The following ZBTB7C variants were observed in gnomAD, a reference collection of about 807,000 sequenced individuals.
The protein encoded by ZBTB7C is zinc finger and BTB domain containing 7C.
Under a neutral mutation model 25.7 loss-of-function variants are expected in ZBTB7C, and 8 were observed. That is an observed-to-expected ratio of 0.31 (90% CI 0.18 to 0.56). The LOEUF is 0.56. ZBTB7C is among the 20% of genes least tolerant of loss of function. ZBTB7C has a pLI of 0.91. For missense variants in ZBTB7C, 824 were observed against 855.2 expected (o/e 0.96, Z 0.46); for synonymous variants, 394 against 369.0 (o/e 1.07, Z -0.78).
intron 3 of ZBTB7C, chr18:48,087,633 A>G (rs947602860): frequency 6.6e-6 from 1 of 151,794 alleles, no homozygotes; most frequent in Non-Finnish European, 1.5e-5. Context: ...AAAAAATTAA[A>G]AAGAAAAAAA....
intron 1 of ZBTB7C, among the ~76,000 whole-genome samples, chr18:48,358,589 C>T (rs556933153): frequency 9.2e-5 from 14 of 152,254 alleles, no homozygotes; most frequent in African/African-American, 2.9e-4. Context: ...AACGCAAAAA[C>T]GGCCTAACAC....
intron 1 of ZBTB7C, among the ~76,000 whole-genome samples, chr18:48,398,384 G>A (rs1267423765): frequency 6.6e-6 from 1 of 152,192 alleles, no homozygotes; most frequent in Non-Finnish European, 1.5e-5. Flanking sequence ...CTGCCCTTTG[G>A]AGGACCCTGC....
intron 3 of ZBTB7C, among the ~76,000 whole-genome samples, chr18:48,183,808 C>A (rs960988713): frequency 7.2e-5 from 11 of 152,172 alleles, no homozygotes; most frequent in African/African-American, 2.4e-4. Context: ...AATAAGGGGA[C>A]ACACAAGCCC....
chr18:48,284,090 T>G (rs978636925), intron 2 of ZBTB7C, among the ~76,000 whole-genome samples: 2 of 151,808 alleles, frequency 1.3e-5, no homozygotes, highest in Admixed American at 1.3e-4. Flanking sequence ...GAGGTTGCAA[T>G]GAGCCGAGAT....
At chr18:48,098,707 G>A (rs1219549512) in intron 3 of ZBTB7C, among the ~76,000 whole-genome samples, 1 of 152,186 alleles carries the variant, frequency 6.6e-6, no homozygotes, top group African/African-American at 2.4e-5. Flanking sequence ...CAACCAATGA[G>A]TTCCATTCTC....
At chr18:48,192,240 T>C (rs2042214868) in intron 2 of ZBTB7C, among the ~76,000 whole-genome samples, 1 of 152,136 alleles carries the variant, frequency 6.6e-6, no homozygotes, top group Admixed American at 6.5e-5. Context: ...ATTCCAACTA[T>C]ATGACATTCT....
chr18:48,330,653 T>TAAA (rs764929749), intron 2 of ZBTB7C, among the ~76,000 whole-genome samples: 2 of 143,060 alleles, frequency 1.4e-5, no homozygotes, highest in Non-Finnish European at 3.1e-5. Flanking sequence ...TTTCTGTATT[T>TAAA]AAAAAAAAAA....
At chr18:48,083,790 G>T (rs2038081434) in intron 3 of ZBTB7C, 2 of 968,532 alleles carry the variant, frequency 2.1e-6, no homozygotes, top group African/African-American at 3.5e-5. Context: ...AAACTCCTTT[G>T]TTCCTTCTGA....
intron 2 of ZBTB7C, among the ~76,000 whole-genome samples, chr18:48,334,814 G>C (rs2046423189): frequency 6.6e-6 from 1 of 152,204 alleles, no homozygotes; most frequent in Non-Finnish European, 1.5e-5. Context: ...GACTGAGGCT[G>C]GGAGGCAGGA....
chr18:48,340,355 G>A (rs1000984600), intron 1 of ZBTB7C, among the ~76,000 whole-genome samples: 3 of 152,232 alleles, frequency 2.0e-5, no homozygotes, highest in African/African-American at 4.8e-5. Context: ...ATGTAGCTCA[G>A]TGCAGCCCTA....
intron 2 of ZBTB7C, among the ~76,000 whole-genome samples, chr18:48,316,681 T>C (rs1266132296): frequency 2.0e-5 from 3 of 152,222 alleles, no homozygotes; most frequent in African/African-American, 4.8e-5. Context: ...CCTGCCATGA[T>C]TAAAAGCTCC....
intron 3 of ZBTB7C, among the ~76,000 whole-genome samples, chr18:48,089,550 G>A (rs775226608): frequency 2.0e-5 from 3 of 151,148 alleles, no homozygotes; most frequent in South Asian, 4.2e-4. Flanking sequence ...CCAACTCCCC[G>A]GGCGATTCTG....
intron 2 of ZBTB7C, among the ~76,000 whole-genome samples, chr18:48,318,759 C>T (rs926837277): frequency 2.0e-5 from 3 of 152,174 alleles, no homozygotes; most frequent in African/African-American, 7.2e-5. Flanking sequence ...TCCTAATATT[C>T]AAAGAGTCTC....
intron 2 of ZBTB7C, among the ~76,000 whole-genome samples, chr18:48,219,013 G>A (rs2042890468): frequency 6.6e-6 from 1 of 152,196 alleles, no homozygotes; most frequent in African/African-American, 2.4e-5. Context: ...CAGCTTGTCT[G>A]CCAACCAGCC....
intron 2 of ZBTB7C, among the ~76,000 whole-genome samples, chr18:48,197,044 C>T (rs1217382344): frequency 6.6e-6 from 1 of 152,246 alleles, no homozygotes; most frequent in South Asian, 2.1e-4. Context: ...GGTGACGAGA[C>T]CAAATTCTGT....
At chr18:48,212,398 T>G (rs1447001015) in intron 2 of ZBTB7C, among the ~76,000 whole-genome samples, 2 of 152,070 alleles carry the variant, frequency 1.3e-5, no homozygotes, top group Non-Finnish European at 2.9e-5. Flanking sequence ...GTTACTGTTA[T>G]GATGGACACA....
intron 3 of ZBTB7C, among the ~76,000 whole-genome samples, chr18:48,124,806 A>T (rs2039746914): frequency 6.6e-6 from 1 of 152,232 alleles, no homozygotes; most frequent in South Asian, 2.1e-4. Context: ...TTGGGAATGG[A>T]CAGGCAGAAT....
chr18:48,409,749 G>A (rs1003485619), upstream of ZBTB7C, among the ~76,000 whole-genome samples: 19 of 152,220 alleles, frequency 1.2e-4, no homozygotes, highest in South Asian at 4.1e-4. Flanking sequence ...GAGTGGGGGG[G>A]CCGGGCACCG....
At chr18:48,030,135 G>T (rs1379089468) in intron 4 of ZBTB7C, among the ~76,000 whole-genome samples, 1 of 152,082 alleles carries the variant, frequency 6.6e-6, no homozygotes, top group East Asian at 1.9e-4. Flanking sequence ...TGTCCTGAAA[G>T]CCCCACTCCC....
Sources: gnomAD v4.1 joint callset for allele counts (sites outside exome capture counted in the v4.1 genomes callset) on GRCh38, gnomAD v4.1.1 for gene constraint, MANE v1.5 for transcripts, NCBI Gene and HGNC (gene_info 2026-07-23, HGNC 2026-07-21) for gene names.